The following B3GAT1 variants were observed in gnomAD, a reference collection of about 807,000 sequenced individuals.
The protein encoded by B3GAT1 is beta-1,3-glucuronyltransferase 1.
In B3GAT1, 11 loss-of-function variants were observed where a neutral mutation model predicts 28.4. The ratio of observed to expected loss-of-function variants is 0.39; its 90% CI spans 0.24 to 0.64. The LOEUF (loss-of-function observed/expected upper bound fraction) is 0.64, where lower values mean the gene tolerates loss of function less well. B3GAT1 is among the 30% of genes least tolerant of loss of function. The pLI is 0.50. For missense variants in B3GAT1, 375 were observed against 491.0 expected, an observed-to-expected ratio of 0.76 and a Z score of 2.23; for synonymous variants, 255 against 223.1, an observed-to-expected ratio of 1.14 and a Z score of -1.27.
At chr11:134,410,004 C>T (rs928049639) in intron 1 of B3GAT1, 7 of 152,712 alleles carry the variant, frequency 4.6e-5, no homozygotes, top group African/African-American at 7.2e-5. Flanking sequence ...GCCTCATCAC[C>T]CTGTGCTCCA....
At position 134,384,170 on chromosome 11, in the gene B3GAT1, C is replaced by A. The variant is rs891837806; in HGVS notation, c.131G>T (p.Arg44Leu). The A allele has an allele frequency of 1.3e-6, 2 of 1,546,880 alleles. No homozygotes were observed. The highest frequency in any genetic ancestry group is 1.7e-6 in the Non-Finnish European group (2 of 1,147,028). The change falls in exon 3 of 6, where the codon CGA (arginine) becomes CTA (leucine). Residue 44 changes from arginine to leucine, a missense_variant. Transcript: ENST00000312527. ...GTCGGCGCCGGGCGGCGTTTCGCGT[C>A]GGGGGTCACTGCCCTCATCTGCGGA... ...AVHKDEGSDP[R>L]RETPPGADPR...
chr11:134,399,554 C>T (rs964492068), intron 1 of B3GAT1, among the ~76,000 whole-genome samples: 2 of 152,232 alleles, frequency 1.3e-5, no homozygotes, highest in Non-Finnish European at 2.9e-5. Context: ...GCTGCTGCTG[C>T]TAATAGCACT....
intron 1 of B3GAT1, chr11:134,391,516 A>G (rs1056179766): frequency 6.6e-6 from 1 of 152,326 alleles, no homozygotes; most frequent in Admixed American, 6.5e-5. Flanking sequence ...GCTGTCTCTA[A>G]CAAGGACCCC....
intron 1 of B3GAT1, among the ~76,000 whole-genome samples, chr11:134,398,804 G>C (rs973501402): frequency 6.6e-6 from 1 of 152,224 alleles, no homozygotes; most frequent in Non-Finnish European, 1.5e-5. Flanking sequence ...CTAGCTGTGT[G>C]CTCCGGGCAG....
chr11:134,378,633 C>G lies in B3GAT1; in HGVS notation c.*2129G>C, dbSNP rs1239020102. 6.6e-6 allele frequency: 1 copy of G among 152,236 alleles called. No homozygotes were observed. The highest frequency in any genetic ancestry group is 1.5e-5 in the Non-Finnish European group (1 of 68,046). 9.4% of individuals were successfully genotyped at this position (152,236 alleles called of 1,614,324 possible). A position where few individuals can be genotyped will look rare whatever the true frequency, so the allele number is the denominator to read the frequency against. On this transcript the variant is annotated 3_prime_UTR_variant, in exon 6 of 6. Coordinates refer to ENST00000312527, the MANE Select transcript of B3GAT1 (RefSeq NM_054025.3). ...CAGCCTCTGTTCTTAGAACTCCTAG[C>G]CCCTGGCCTCACTCCTGTGTGGTGG...
rs954206641 is a variant in B3GAT1 at position 134,383,591 on chromosome 11, G to A, written c.621+89C>T. The A allele has an allele frequency of 4.2e-6, 6 of 1,420,922 alleles. No homozygotes were observed. In the Admixed American group the frequency reaches 8.7e-5, roughly 21 times the overall value. The allele number at this position is 1,420,922 out of a possible 1,614,324, so 88.0% of individuals were successfully genotyped here. ...CCGGCTTCCCGGGTTCCCCCTGCGC[G>A]CGCCTCCGCACCCACACCCCCTTCT... On this transcript the variant is annotated intron_variant, in intron 3 of 5. Transcript: ENST00000312527.
At chr11:134,381,199 G>A (rs958354477) in intron 5 of B3GAT1, among the ~76,000 whole-genome samples, 1 of 152,240 alleles carries the variant, frequency 6.6e-6, no homozygotes, top group Admixed American at 6.5e-5. Context: ...ACTCGTGCCA[G>A]TGTGTCACCT....
Position 134,403,983 on chromosome 11 carries a change from T to TA in B3GAT1, c.-282+7823_-282+7824insT, listed in dbSNP as rs1555098425. On this transcript the variant is annotated intron_variant, in intron 1 of 5. Transcript: ENST00000312527. The stretch of plus-strand genomic sequence containing the variant: ...TTTAACGGGTACAGAGTTTCTTTCT[T>TA]TATATATATATATATATATATATAT... Among the ~76,000 whole-genome samples the TA allele has an allele frequency of 1.5e-3, 62 of 40,684 alleles. 2 individuals carry two copies. Among genetic ancestry groups the TA allele is most frequent in the African/African-American group, 6.6e-3 (53 of 8,048 alleles). The allele number at this position is 40,684 out of a possible 152,430, so 26.7% of individuals were successfully genotyped here.
chr11:134,404,886 G>T (rs142682058), intron 1 of B3GAT1, among the ~76,000 whole-genome samples: 1 of 152,216 alleles, frequency 6.6e-6, no homozygotes, highest in Non-Finnish European at 1.5e-5. Flanking sequence ...AAAGCAGCTC[G>T]CCCGGAGGCT....
At position 134,404,012 on chromosome 11, in the gene B3GAT1, TATATATATATATATA is replaced by T. The variant is rs1565459344; in HGVS notation, c.-282+7780_-282+7794del. 1.5e-3 allele frequency among the ~76,000 whole-genome samples: 182 copies of T among 121,722 alleles called. 5 individuals are homozygous for T. The highest frequency in any genetic ancestry group is 5.8e-3 in the African/African-American group (175 of 30,178). 79.9% of individuals were successfully genotyped at this position (121,722 alleles called of 152,430 possible). A position where few individuals can be genotyped will look rare whatever the true frequency, so the allele number is the denominator to read the frequency against. ...ATATATATATATATATATATATATA[TATATATATATATATA>T]TATTTATTATACGTTAAGTTCTAGG... On this transcript the variant is annotated intron_variant, in intron 1 of 5. Transcript: ENST00000312527.
intron 4 of B3GAT1, 101 bp from the exon 5 acceptor site, chr11:134,382,125 T>C: frequency 1.1e-6 from 1 of 887,620 alleles, no homozygotes; most frequent in Non-Finnish European, 1.8e-6. Context: ...CTCCTGCCCC[T>C]CCTTTTCCTT....
chr11:134,384,261 C>T (rs1944221734), intron 2 of B3GAT1, 73 bp from the exon 3 acceptor site: 1 of 1,460,742 alleles, frequency 6.8e-7, no homozygotes, highest in Non-Finnish European at 9.0e-7. Flanking sequence ...CGGGACGCCA[C>T]CCACCCTGCC....
chr11:134,398,815 G>C (rs753431667), intron 1 of B3GAT1, among the ~76,000 whole-genome samples: 1 of 152,208 alleles, frequency 6.6e-6, no homozygotes, highest in Non-Finnish European at 1.5e-5. Context: ...CTCCGGGCAG[G>C]CCTCTGTGCT....
chr11:134,393,873 C>T lies in B3GAT1; in HGVS notation c.-281-5933G>A, dbSNP rs190042857. 5.6e-3 allele frequency among the ~76,000 whole-genome samples: 857 copies of T among 152,282 alleles called. 8 individuals carry two copies. Among genetic ancestry groups the T allele is most frequent in the African/African-American group, 0.019 (804 of 41,552 alleles). ...TCTGTCACCCAGGAACCCCAGTGCCCCCAAAGAGAGGGAGGGACAGGCTTT... is the reference window on the plus strand; with the variant it reads ...TCTGTCACCCAGGAACCCCAGTGCCTCCAAAGAGAGGGAGGGACAGGCTTT... On this transcript the variant is annotated intron_variant, in intron 1 of 5. Transcript: ENST00000312527. The surrounding 1 kb of genome is among the most constrained non-coding windows in gnomAD (Gnocchi z 4.0).
rs548304609 is a variant in B3GAT1 at position 134,382,418 on chromosome 11, T to C, written c.918+292A>G. Among the ~76,000 whole-genome samples the C allele has an allele frequency of 1.4e-3, 204 of 149,444 alleles. 2 individuals carry two copies. Among genetic ancestry groups the C allele is most frequent in the African/African-American group, 4.6e-3 (188 of 40,978 alleles). On this transcript the variant is annotated intron_variant, in intron 4 of 5. Transcript: ENST00000312527. ...ATGTGTGTGCATCTGCATGTGTGTG[T>C]GCGCACATGTGTGCACGCGTAGGCA...
At chr11:134,397,832 C>T (rs116808529) in intron 1 of B3GAT1, among the ~76,000 whole-genome samples, 3,468 of 152,268 alleles carry the variant, frequency 0.023, 70 homozygotes, top group African/African-American at 0.059. Flanking sequence ...GGGTACAGTG[C>T]GTGTGGGGGT....
chr11:134,389,089 C>A (rs1238370244), intron 1 of B3GAT1: 1 of 152,226 alleles, frequency 6.6e-6, no homozygotes, highest in African/African-American at 2.4e-5. Context: ...ATACGTGTTG[C>A]CTTTTCTCTG....
At chr11:134,406,449 G>T (rs951817171) in intron 1 of B3GAT1, among the ~76,000 whole-genome samples, 2 of 146,776 alleles carry the variant, frequency 1.4e-5, no homozygotes, top group Admixed American at 6.9e-5. Flanking sequence ...CTGGGCTTCA[G>T]TGAGCACTCA....
intron 1 of B3GAT1, among the ~76,000 whole-genome samples, chr11:134,405,530 T>G (rs2136338383): frequency 6.6e-6 from 1 of 152,256 alleles, no homozygotes; most frequent in South Asian, 2.1e-4. Flanking sequence ...TCAGGGATAG[T>G]TGAGGTTGGT....
Sources: allele counts gnomAD v4.1 joint callset (sites outside exome capture counted in the v4.1 genomes callset), GRCh38; gene constraint gnomAD v4.1.1; non-coding constraint Gnocchi (gnomAD v3.1); transcripts MANE v1.5; gene names NCBI Gene and HGNC (gene_info 2026-07-23, HGNC 2026-07-21).